The following FUT9 variants were observed in gnomAD, a reference collection of about 807,000 sequenced individuals.
FUT9 encodes the protein 4-galactosyl-N-acetylglucosaminide 3-alpha-L-fucosyltransferase 9.
FUT9 carries 15 observed loss-of-function variants against 29.7 expected under a neutral mutation model. The ratio of observed to expected loss-of-function variants is 0.51; its 90% CI spans 0.34 to 0.78. The LOEUF is 0.78. Among genes scored for constraint, FUT9 ranks in the 30% least tolerant of loss-of-function variants. The pLI is 0.01. For missense variants in FUT9, 319 were observed against 425.4 expected, an observed-to-expected ratio of 0.75 and a Z score of 2.20; for synonymous variants, 169 against 153.7, an observed-to-expected ratio of 1.10 and a Z score of -0.74.
rs1773861613 is a variant in FUT9 at position 96,207,860 on chromosome 6, A to G, written c.*3625A>G. The G allele has an allele frequency of 6.0e-6, 1 of 166,948 alleles. No homozygotes were observed. Among genetic ancestry groups the G allele is most frequent in the African/African-American group, 2.4e-5 (1 of 41,456 alleles). The allele number at this position is 166,948 out of a possible 1,614,324, so 10.3% of individuals were successfully genotyped here. On this transcript the variant is annotated 3_prime_UTR_variant, in exon 3 of 3. Transcript: ENST00000302103. ...ATCATTATAGACCTTACTAATAAGA[A>G]TATATACTGAATTGTCCACATCCAG...
chr6:96,129,272 AAAAAAAAAAAAAAAAAAAAAC>A (rs1298732028), intron 2 of FUT9, among the ~76,000 whole-genome samples: 1 of 17,838 alleles, frequency 5.6e-5, no homozygotes, highest in Admixed American at 1.5e-3. Context: ...CTCAAAAAAA[AAAAAAAAAAAAAAAAAAAAAC>A]AAACAACCAG....
intron 1 of FUT9, among the ~76,000 whole-genome samples, chr6:96,093,077 T>C (rs1169223800): frequency 2.0e-5 from 3 of 152,120 alleles, no homozygotes; most frequent in Non-Finnish European, 2.9e-5. Flanking sequence ...CTCTATTCCT[T>C]CCTTTGAGAG....
At chr6:96,143,867 T>C (rs904730402) in intron 2 of FUT9, among the ~76,000 whole-genome samples, 1 of 152,008 alleles carries the variant, frequency 6.6e-6, no homozygotes, top group African/African-American at 2.4e-5. Context: ...ATTTAAATAA[T>C]TTAAGCAGAT....
intron 1 of FUT9, among the ~76,000 whole-genome samples, chr6:96,069,506 C>T (rs1582208347): frequency 6.6e-6 from 1 of 151,638 alleles, no homozygotes; most frequent in African/African-American, 2.4e-5. Flanking sequence ...CAATAGAATA[C>T]CTTTAGGAAA....
intron 2 of FUT9, among the ~76,000 whole-genome samples, chr6:96,129,283 A>AC (rs1212651661): frequency 9.8e-5 from 1 of 10,202 alleles, no homozygotes; most frequent in African/African-American, 1.5e-4. Context: ...AAAAAAAAAA[A>AC]AAAAAAAAAC....
intron 2 of FUT9, among the ~76,000 whole-genome samples, chr6:96,194,790 A>G (rs555458782): frequency 6.6e-6 from 1 of 152,234 alleles, no homozygotes; most frequent in Non-Finnish European, 1.5e-5. Context: ...AAGTTATAAA[A>G]GACTGCTGGC....
chr6:96,096,501 A>C (rs1257739699), intron 1 of FUT9, among the ~76,000 whole-genome samples: 1 of 152,092 alleles, frequency 6.6e-6, no homozygotes, highest in Non-Finnish European at 1.5e-5. Flanking sequence ...CAGGTTTATA[A>C]GAATTTACCT....
rs147893204 is a variant in FUT9, at chr6:96,030,252, A to G, written c.-98+14040A>G. Reference sequence around the variant, plus strand: ...TATGCAGGATATATAAAGAATTCTCACAATTCAATGATCAAAACCATATAA... The same window carrying G: ...TATGCAGGATATATAAAGAATTCTCGCAATTCAATGATCAAAACCATATAA... On this transcript the variant is annotated intron_variant, in intron 1 of 2. Coordinates refer to ENST00000302103, the MANE Select transcript of FUT9 (RefSeq NM_006581.4). Among the ~76,000 whole-genome samples the G allele has an allele frequency of 2.8e-3, 428 of 151,800 alleles. 3 individuals carry two copies. Among genetic ancestry groups the G allele is most frequent in the African/African-American group, 9.7e-3 (403 of 41,484 alleles).
In FUT9 at chr6:96,207,916, G is replaced by A. The variant is rs1278276294; in HGVS notation, c.*3681G>A. ...TACACCCTGAACAAGAAAGACATGAGAGCCTGACAGTCATATATATTATGA... is the reference window on the plus strand; with the variant it reads ...TACACCCTGAACAAGAAAGACATGAAAGCCTGACAGTCATATATATTATGA... On this transcript the variant is annotated 3_prime_UTR_variant, in exon 3 of 3. Coordinates refer to ENST00000302103, the MANE Select transcript of FUT9 (RefSeq NM_006581.4). 21 of 166,302 alleles carry A rather than the reference G, an allele frequency of 1.3e-4. No homozygotes were observed. The highest frequency in any genetic ancestry group is 2.9e-5 in the Non-Finnish European group (2 of 67,938). The allele number at this position is 166,302 out of a possible 1,614,324, so 10.3% of individuals were successfully genotyped here.
chr6:96,104,564 C>T (rs4368813), intron 1 of FUT9, among the ~76,000 whole-genome samples: 32,389 of 152,058 alleles, frequency 0.21, 3,661 homozygotes, highest in Non-Finnish European at 0.24. Flanking sequence ...GGAGTCTCGC[C>T]CTGTCGCCCA....
At chr6:96,187,757 T>C (rs1247134816) in intron 2 of FUT9, among the ~76,000 whole-genome samples, 2 of 152,176 alleles carry the variant, frequency 1.3e-5, no homozygotes, top group African/African-American at 4.8e-5. Flanking sequence ...TGGTGTTGTG[T>C]GGAAAACTCT....
chr6:96,055,029 T>C (rs555493593), intron 1 of FUT9, among the ~76,000 whole-genome samples: 8 of 152,174 alleles, frequency 5.3e-5, no homozygotes, highest in Admixed American at 1.3e-4. Flanking sequence ...AGTAATGAAA[T>C]ACATTGTTTT....
At chr6:96,043,946 G>A (rs545502325) in intron 1 of FUT9, among the ~76,000 whole-genome samples, 1 of 152,236 alleles carries the variant, frequency 6.6e-6, no homozygotes, top group East Asian at 1.9e-4. Context: ...ACCATCTTGT[G>A]GCCTTTGACT....
At chr6:96,036,524 G>A (rs902628553) in intron 1 of FUT9, 3 of 151,768 alleles carry the variant, frequency 2.0e-5, no homozygotes, top group Admixed American at 6.6e-5. Flanking sequence ...TTTGGGTTTT[G>A]TTTCTTCCCA....
intron 2 of FUT9, among the ~76,000 whole-genome samples, chr6:96,135,353 GTAGCCTCAGACAATGTCCTATTGGAAT>G (rs1255935089): frequency 6.6e-6 from 1 of 151,824 alleles, no homozygotes; most frequent in East Asian, 1.9e-4. Context: ...GAACAATATT[GTAGCCTCAGACAATGTCCTATTGGAAT>G]TAGAAATGAA....
chr6:96,206,166 A>C lies in FUT9; in HGVS notation c.*1931A>C, dbSNP rs1367917686. On this transcript the variant is annotated 3_prime_UTR_variant, in exon 3 of 3. Transcript: ENST00000302103. The stretch of plus-strand genomic sequence containing the variant: ...GATTTAATGGGGAAAAAAAGTAGAA[A>C]ATTTCCCCAATTGCTTAGCTGTTTG... 6.0e-6 allele frequency: 1 copy of C among 166,956 alleles called. No individual in the cohort carries two copies. The highest frequency in any genetic ancestry group is 2.4e-5 in the African/African-American group (1 of 41,408). 10.3% of individuals were successfully genotyped at this position (166,956 alleles called of 1,614,324 possible).
chr6:96,110,555 C>A (rs767482016), intron 1 of FUT9, among the ~76,000 whole-genome samples: 8 of 152,128 alleles, frequency 5.3e-5, no homozygotes, highest in Non-Finnish European at 1.0e-4. Context: ...GGATTGGCCT[C>A]GACAAGCTGG....
chr6:96,106,064 C>G (rs1771674000), intron 1 of FUT9, among the ~76,000 whole-genome samples: 1 of 151,906 alleles, frequency 6.6e-6, no homozygotes, highest in African/African-American at 2.4e-5. Flanking sequence ...AAGAAGTCAT[C>G]CAGGGGTCAG....
At chr6:96,182,383 C>T (rs1243080654) in intron 2 of FUT9, among the ~76,000 whole-genome samples, 1 of 152,016 alleles carries the variant, frequency 6.6e-6, no homozygotes, top group Non-Finnish European at 1.5e-5. Flanking sequence ...TCTGTTTACT[C>T]TGCTGACTAT....
Sources: allele counts gnomAD v4.1 joint callset (sites outside exome capture counted in the v4.1 genomes callset), GRCh38; gene constraint gnomAD v4.1.1; transcripts MANE v1.5; gene names NCBI Gene and HGNC (gene_info 2026-07-23, HGNC 2026-07-21).